UBR4: variants seen among roughly 807,000 people sequenced by gnomAD.
The protein encoded by UBR4 is E3 ubiquitin-protein ligase UBR4.
A neutral mutation model predicts 575.6 loss-of-function variants in UBR4; 124 were observed. The ratio of observed to expected loss-of-function variants is 0.22; its 90% CI spans 0.19 to 0.25. UBR4 has a LOEUF of 0.25. UBR4 is among the 10% of genes least tolerant of loss of function. The pLI is 1.00. For synonymous variants in UBR4, 2,455 were observed against 2,473.7 expected, an observed-to-expected ratio of 0.99 and a Z score of 0.22; for missense variants, 4,818 against 6,478.8, an observed-to-expected ratio of 0.74 and a Z score of 8.80.
In UBR4 at chr1:19,198,010, C is replaced by A; in HGVS notation, c.688G>T (p.Ala230Ser). The A allele has an allele frequency of 6.2e-7, 1 of 1,614,124 alleles. No homozygotes were observed. The highest frequency in any genetic ancestry group is 8.5e-7 in the Non-Finnish European group (1 of 1,180,042). ...ENDEQSSTDQ[A>S]SAIKTKNVFI... ...ACATTCTTGGTTTTGATAGCTGAGG[C>A]TTGATCTGTAGATGACTGCTCATCA... Residue 230 changes from alanine to serine, a missense_variant, in exon 6 of 106, where the codon GCC becomes TCC. By Grantham distance (99) the Ala-to-Ser change is moderately conservative (BLOSUM62 1). This residue lies in a region of UBR4 where 83 missense variants were observed against 77.3 expected (regional missense o/e 1.07). Transcript: ENST00000375254.
At chr1:19,148,766 C>T (rs1275011174) in intron 49 of UBR4, 140 bp from the exon 50 acceptor site, 5 of 847,522 alleles carry the variant, frequency 5.9e-6, no homozygotes, top group Non-Finnish European at 1.9e-6. Context: ...TAAGACCTGC[C>T]ACAGGCACCA....
chr1:19,095,854 C>T (rs1313777210), intron 92 of UBR4: 4 of 525,070 alleles, frequency 7.6e-6, no homozygotes, highest in South Asian at 4.2e-5. Context: ...GCTCCAATGG[C>T]GGGATATATC....
In UBR4 at chr1:19,111,184, T is replaced by C. The variant is rs954286242; in HGVS notation, c.11802-352A>G. On this transcript the variant is annotated intron_variant, in intron 78 of 105. Transcript: ENST00000375254. The stretch of plus-strand genomic sequence containing the variant: ...CTTGGTCACAACTCTTTCCCTGTCT[T>C]CTCCATCTGCCTGCATTTCATTTTC... Among the ~76,000 whole-genome samples the C allele has an allele frequency of 1.3e-5, 2 of 152,206 alleles. 1 individual carries two copies. The highest frequency in any genetic ancestry group is 4.1e-4 in the South Asian group (2 of 4,828).
chr1:19,176,556 G>T, intron 20 of UBR4, 36 bp downstream of exon 20: 1 of 1,604,046 alleles, frequency 6.2e-7, no homozygotes, highest in South Asian at 1.1e-5. Context: ...ATGAGAATCA[G>T]TAAGTCAGTT....
At chr1:19,170,409 AAG>A (rs1195862782) in intron 26 of UBR4, among the ~76,000 whole-genome samples, 1 of 152,118 alleles carries the variant, frequency 6.6e-6, no homozygotes, top group African/African-American at 2.4e-5. Context: ...GAGAAGAGAG[AAG>A]AGAGTGGGGA....
At chr1:19,167,296 C>A (rs1220543335) in intron 28 of UBR4, 65 bp from the exon 29 acceptor site, 1 of 1,563,632 alleles carries the variant, frequency 6.4e-7, no homozygotes, top group Non-Finnish European at 8.8e-7. Context: ...AAAGCAAGGA[C>A]AGGGTAATTC....
chr1:19,106,447 G>A (rs775417306), intron 83 of UBR4, 122 bp downstream of exon 83: 35 of 1,296,252 alleles, frequency 2.7e-5, no homozygotes, highest in Non-Finnish European at 3.6e-5. Flanking sequence ...TTGAAAGGAA[G>A]CAAGAAGAGC....
At chr1:19,140,393 T>G (rs2083733473) in intron 58 of UBR4, among the ~76,000 whole-genome samples, 1 of 152,242 alleles carries the variant, frequency 6.6e-6, no homozygotes, top group Non-Finnish European at 1.5e-5. Flanking sequence ...ATAGCTCTCC[T>G]TTTATTTGCA....
Position 19,100,480 on chromosome 1 carries a change from T to C in UBR4, c.13117A>G (p.Ser4373Gly), listed in dbSNP as rs747621605. 2.5e-6 allele frequency: 4 copies of C among 1,614,170 alleles called. No homozygotes were observed. The South Asian group carries it at 3.3e-5, about 13-fold the overall frequency. The change falls in exon 89 of 106, where the codon AGC (serine) becomes GGC (glycine). Residue 4373 changes from serine (S) to glycine (G), a missense_variant. This residue lies in a region of UBR4 where 105 missense variants were observed against 232.8 expected (regional missense o/e 0.45). Coordinates refer to ENST00000375254, the MANE Select transcript of UBR4 (RefSeq NM_020765.3). This position sits in a 1 kb window ranked among gnomAD's most constrained non-coding sequence, Gnocchi z 4.2. ...LQGRMPGNPY[S>G]SNEPGIGPLM... ...GGCCCGATGCCTGGCTCATTGCTGC[T>C]ATACGGGTTCCCAGGCATCCTGCCC...
At chr1:19,204,102 G>A (rs1024717265) in intron 1 of UBR4, among the ~76,000 whole-genome samples, 9 of 152,140 alleles carry the variant, frequency 5.9e-5, no homozygotes, top group African/African-American at 1.9e-4. Context: ...AGGTTCAAGC[G>A]ATTCTCCTGC....
At chr1:19,142,212 AG>A (rs1265618825) in intron 55 of UBR4, among the ~76,000 whole-genome samples, 1 of 152,216 alleles carries the variant, frequency 6.6e-6, no homozygotes, top group African/African-American at 2.4e-5. Context: ...TAAAACAACT[AG>A]GTCAGTGAGA....
At chr1:19,080,744 C>G (rs1464946506) in intron 103 of UBR4, 1 of 152,522 alleles carries the variant, frequency 6.6e-6, no homozygotes, top group Non-Finnish European at 1.5e-5. Flanking sequence ...CAAAGAGATG[C>G]TGTGGTGGCA....
intron 55 of UBR4, among the ~76,000 whole-genome samples, chr1:19,142,098 G>A (rs372898215): frequency 2.6e-5 from 4 of 152,310 alleles, no homozygotes; most frequent in African/African-American, 4.8e-5. Context: ...CCAAACTCAC[G>A]CTAACTCTCA....
rs774043289 is a variant in UBR4 at position 19,144,085 on chromosome 1, C to A, written c.8074G>T (p.Ala2692Ser). The change falls in exon 55 of 106, where the codon GCT (alanine) becomes TCT (serine). Residue 2692 changes from alanine to serine, a missense_variant. Physicochemically the swap from Ala to Ser is moderately conservative, Grantham distance 99. Coordinates refer to ENST00000375254, the MANE Select transcript of UBR4 (RefSeq NM_020765.3). ...YMQMLLCPDPAVSFSCKQALI... is the reference protein window; with the variant it reads ...YMQMLLCPDPSVSFSCKQALI... ...GCTTGTTTACAAGAGAAGCTCACAGCAGGATCCTGAGGTTTAAAAGGAAAC... is the reference window on the plus strand; with the variant it reads ...GCTTGTTTACAAGAGAAGCTCACAGAAGGATCCTGAGGTTTAAAAGGAAAC... 6.2e-7 allele frequency: 1 copy of A among 1,613,692 alleles called. No homozygotes were observed. Among genetic ancestry groups the A allele is most frequent in the Non-Finnish European group, 8.5e-7 (1 of 1,179,752 alleles).
intron 9 of UBR4, 27 bp from the exon 10 acceptor site, chr1:19,192,567 A>C (rs912548486): frequency 1.2e-6 from 2 of 1,613,412 alleles, no homozygotes; most frequent in African/African-American, 2.7e-5. Context: ...AGACACAAAA[A>C]TCTGAACAAG....
Position 19,170,763 on chromosome 1 carries a change from C to G in UBR4, c.3642G>C (p.Leu1214=), listed in dbSNP as rs1479927571. The part of the protein sequence containing the change: ...IGSSRCKANT[L]GPTLVQNLPS... The stretch of plus-strand genomic sequence containing the variant: ...TCAAAAGCACATTTGTTCTCTTACC[C>G]AGAGTATTTGCCTTGCACCTGCTAG... The change falls in exon 26 of 106, where the codon CTG becomes CTC. Residue 1214 remains leucine, a splice_region_variant and synonymous_variant. Transcript: ENST00000375254. 1 of 1,614,146 alleles carries G rather than the reference C, an allele frequency of 6.2e-7. No individual in the cohort carries two copies. Among genetic ancestry groups the G allele is most frequent in the Admixed American group, 1.7e-5 (1 of 60,026 alleles).
intron 39 of UBR4, among the ~76,000 whole-genome samples, 191 bp from the exon 40 acceptor site, chr1:19,158,188 A>C (rs2086708206): frequency 6.6e-6 from 1 of 152,194 alleles, no homozygotes; most frequent in Non-Finnish European, 1.5e-5. Flanking sequence ...TAACATAGTA[A>C]ATGTTTTCAT....
chr1:19,118,116 G>T (rs914452666), intron 71 of UBR4: 3 of 545,026 alleles, frequency 5.5e-6, no homozygotes, highest in Non-Finnish European at 9.8e-6. Context: ...ACTGACCTTA[G>T]ATGTTTCCTA....
At position 19,155,594 on chromosome 1, in the gene UBR4, A is replaced by G. The variant is rs1336000491; in HGVS notation, c.6147T>C (p.Val2049=). The part of the protein sequence containing the change: ...FLLPSSKIRD[V]TFLFNEEGKN... Reference sequence around the variant, plus strand: ...TTCCCTCCTCATTGAAAAGGAAGGTAACATCTCTTATCTTTGAGCTTGGCA... The same window carrying G: ...TTCCCTCCTCATTGAAAAGGAAGGTGACATCTCTTATCTTTGAGCTTGGCA... Residue 2049 remains valine, a synonymous_variant, in exon 43 of 106, where the codon GTT becomes GTC. Coordinates refer to ENST00000375254, the MANE Select transcript of UBR4 (RefSeq NM_020765.3). The G allele has an allele frequency of 6.2e-7, 1 of 1,614,092 alleles. No homozygotes were observed. The highest frequency in any genetic ancestry group is 1.7e-5 in the Admixed American group (1 of 60,004).
Sources: allele counts gnomAD v4.1 joint callset (sites outside exome capture counted in the v4.1 genomes callset), GRCh38; gene constraint gnomAD v4.1.1; regional missense constraint gnomAD v4.1.1; non-coding constraint Gnocchi (gnomAD v3.1); transcripts MANE v1.5; gene names NCBI Gene and HGNC (gene_info 2026-07-23, HGNC 2026-07-21).